The following FRAS1 variants were observed in gnomAD, a reference collection of about 807,000 sequenced individuals.
FRAS1 encodes the protein Fraser extracellular matrix complex subunit 1.
In FRAS1, 290 loss-of-function variants were observed where a neutral mutation model predicts 435.2. That is an observed-to-expected ratio of 0.67 (90% CI 0.61 to 0.73). The LOEUF (loss-of-function observed/expected upper bound fraction) is 0.73. Among genes scored for constraint, FRAS1 ranks in the 30% least tolerant of loss-of-function variants. FRAS1 has a pLI of 0.00. For missense variants in FRAS1, 4,860 were observed against 5,001.5 expected (o/e 0.97, Z 0.85); for synonymous variants, 1,800 against 1,851.0 (o/e 0.97, Z 0.71).
intron 20 of FRAS1, among the ~76,000 whole-genome samples, chr4:78,356,573 G>T (rs1167352438): frequency 6.6e-6 from 1 of 152,072 alleles, no homozygotes; most frequent in Non-Finnish European, 1.5e-5. Context: ...TTCTTAATAT[G>T]CCTACTCCAG....
chr4:78,249,268 A>G (rs938339903), intron 4 of FRAS1, among the ~76,000 whole-genome samples: 2 of 146,564 alleles, frequency 1.4e-5, no homozygotes, highest in African/African-American at 2.5e-5. Context: ...CATGCTGCAC[A>G]CTTTGGATCA....
At chr4:78,314,589 T>C (rs961768534) in intron 15 of FRAS1, among the ~76,000 whole-genome samples, 2 of 152,204 alleles carry the variant, frequency 1.3e-5, no homozygotes, top group Non-Finnish European at 2.9e-5. Context: ...TTGCAGGGGT[T>C]CAATCTCATT....
At chr4:78,396,421 T>C (rs1732665824) in intron 29 of FRAS1, among the ~76,000 whole-genome samples, 1 of 152,232 alleles carries the variant, frequency 6.6e-6, no homozygotes, top group Non-Finnish European at 1.5e-5. Flanking sequence ...GACAGGACTT[T>C]AGTGGTAACA....
intron 2 of FRAS1, among the ~76,000 whole-genome samples, chr4:78,220,615 A>C (rs1375471039): frequency 2.0e-5 from 3 of 152,204 alleles, no homozygotes; most frequent in African/African-American, 7.2e-5. Flanking sequence ...AAATGGAGAA[A>C]ATTTCTCATG....
rs60743368 is a variant in FRAS1, at chr4:78,067,672, TTTATTATTATTATTATTA to T, written c.108+1680_108+1697del. On this transcript the variant is annotated intron_variant, in intron 2 of 73. Coordinates refer to ENST00000512123, the MANE Select transcript of FRAS1 (RefSeq NM_025074.7). ...TTTCTTTTTCTTTTTTTTTCTTTCTTTTATTATTATTATTATTATTATTATTATTATTATTATTATTTG... is the reference window on the plus strand; with the variant it reads ...TTTCTTTTTCTTTTTTTTTCTTTCTTTTATTATTATTATTATTATTATTTG... Among the ~76,000 whole-genome samples the T allele has an allele frequency of 3.2e-5, 4 of 125,744 alleles. No individual in the cohort carries two copies. In the South Asian group the frequency reaches 1.1e-3, roughly 35 times the overall value. The allele number at this position is 125,744 out of a possible 152,430, so 82.5% of individuals were successfully genotyped here.
intron 9 of FRAS1, among the ~76,000 whole-genome samples, chr4:78,274,326 G>C (rs4859523): frequency 0.96 from 146,348 of 152,216 alleles, 70,597 homozygotes; most frequent in East Asian, 1. Flanking sequence ...CAGTTCTGCT[G>C]TGATCTTAGT....
chr4:78,464,276 G>A, intron 48 of FRAS1, 131 bp downstream of exon 48: 1 of 1,369,066 alleles, frequency 7.3e-7, no homozygotes, highest in Non-Finnish European at 9.9e-7. Context: ...GGTAGGGGCA[G>A]CCTCTGTAGC....
chr4:78,130,567 A>C (rs1296698530), intron 2 of FRAS1, among the ~76,000 whole-genome samples: 1 of 152,124 alleles, frequency 6.6e-6, no homozygotes. Context: ...AGTTGTAACC[A>C]CCTTCAAAAG....
At chr4:78,205,951 C>A (rs1723237102) in intron 2 of FRAS1, among the ~76,000 whole-genome samples, 1 of 151,958 alleles carries the variant, frequency 6.6e-6, no homozygotes, top group Non-Finnish European at 1.5e-5. Context: ...GACCTTTCAT[C>A]CACTGTATGC....
rs971013020 is a variant in FRAS1, at chr4:78,308,141, T to C, written c.1610T>C (p.Val537Ala). ...HCLACRDPLH[V>A]LRDGGCESSC... ...TTGGCCTGCAGAGATCCCCTCCACG[T>C]GCTGAGAGATGGCGGCTGTGAGAGC... is the stretch of plus-strand genomic sequence containing the variant. The change falls in exon 15 of 74, where the codon GTG becomes GCG. Residue 537 changes from valine (V) to alanine (A), a missense_variant. Val to Ala is a moderately conservative substitution (Grantham distance 64). Transcript: ENST00000512123. 4.3e-6 allele frequency: 7 copies of C among 1,613,794 alleles called. No homozygotes were observed. The highest frequency in any genetic ancestry group is 5.1e-6 in the Non-Finnish European group (6 of 1,179,864).
intron 2 of FRAS1, among the ~76,000 whole-genome samples, chr4:78,101,103 T>C (rs1742104722): frequency 1.4e-5 from 2 of 146,780 alleles, no homozygotes; most frequent in South Asian, 4.2e-4. Flanking sequence ...TTTTTAAAGA[T>C]GAATAACTCG....
chr4:78,239,517 A>G (rs1162909634), intron 3 of FRAS1, among the ~76,000 whole-genome samples: 1 of 151,932 alleles, frequency 6.6e-6, no homozygotes, highest in African/African-American at 2.4e-5. Flanking sequence ...ATATAATTGA[A>G]CTCAGATCAT....
intron 41 of FRAS1, among the ~76,000 whole-genome samples, chr4:78,443,185 C>G (rs1464823938): frequency 6.6e-6 from 1 of 152,122 alleles, no homozygotes. Flanking sequence ...CTTGTCTCCA[C>G]TGAAAAGGAT....
Position 78,475,480 on chromosome 4 carries a change from G to A in FRAS1, c.7725G>A (p.Val2575=). Residue 2575 remains valine, a synonymous_variant, in exon 54 of 74, where the codon GTG becomes GTA. Coordinates refer to ENST00000512123, the MANE Select transcript of FRAS1 (RefSeq NM_025074.7). ...SEKAGSVSVT[V]QRTGNLNQYA... is the part of the protein sequence containing the mutation. ...AGGCAGGGTCTGTCAGTGTCACGGT[G>A]CAGAGGACTGGGAACCTGAACCAAT... The A allele has an allele frequency of 6.2e-7, 1 of 1,613,928 alleles. No homozygotes were observed. The highest frequency in any genetic ancestry group is 8.5e-7 in the Non-Finnish European group (1 of 1,179,838).
chr4:78,260,219 G>T (rs111435498), intron 6 of FRAS1, among the ~76,000 whole-genome samples: 45,848 of 150,856 alleles, frequency 0.3, 7,282 homozygotes, highest in East Asian at 0.38. Flanking sequence ...CTTTAAAGTA[G>T]TTTTTTCCAA....
At chr4:78,331,488 C>G (rs1377339549) in intron 18 of FRAS1, among the ~76,000 whole-genome samples, 1 of 152,204 alleles carries the variant, frequency 6.6e-6, no homozygotes, top group Admixed American at 6.5e-5. Flanking sequence ...TAGTTCAATA[C>G]TTTAACCACC....
intron 29 of FRAS1, among the ~76,000 whole-genome samples, chr4:78,398,541 A>G (rs1190801984): frequency 6.6e-6 from 1 of 152,224 alleles, no homozygotes; most frequent in Non-Finnish European, 1.5e-5. Flanking sequence ...ATCTGGGAAC[A>G]TGCATTCATG....
intron 30 of FRAS1, among the ~76,000 whole-genome samples, chr4:78,406,854 G>A (rs1283873687): frequency 6.6e-6 from 1 of 152,138 alleles, no homozygotes; most frequent in Non-Finnish European, 1.5e-5. Flanking sequence ...TACAAGTTGA[G>A]CATCCCTAAT....
chr4:78,358,850 A>G (rs1204969060), intron 20 of FRAS1, among the ~76,000 whole-genome samples: 4 of 152,206 alleles, frequency 2.6e-5, no homozygotes, highest in Non-Finnish European at 5.9e-5. Context: ...CGCTGCTAAA[A>G]ATGATGTTTA....
Sources: allele counts gnomAD v4.1 joint callset (sites outside exome capture counted in the v4.1 genomes callset), GRCh38; gene constraint gnomAD v4.1.1; transcripts MANE v1.5; gene names NCBI Gene and HGNC (gene_info 2026-07-23, HGNC 2026-07-21).